Variants in UTRN observed in about 807,000 individuals in gnomAD.
UTRN encodes utrophin, also known as dystrophin-related protein 1.
UTRN carries 283 observed loss-of-function variants against 463.9 expected under a neutral mutation model. The ratio of observed to expected loss-of-function variants is 0.61; its 90% CI spans 0.55 to 0.67. UTRN has a LOEUF of 0.67. UTRN is among the 30% of genes least tolerant of loss of function. UTRN has a pLI of 0.00. For synonymous variants in UTRN, 1,442 were observed against 1,431.5 expected, an observed-to-expected ratio of 1.01 and a Z score of -0.17; for missense variants, 3,922 against 4,084.3, an observed-to-expected ratio of 0.96 and a Z score of 1.08.
intron 2 of UTRN, among the ~76,000 whole-genome samples, chr6:144,362,978 G>T (rs1225957899): frequency 6.6e-6 from 1 of 152,032 alleles, no homozygotes; most frequent in African/African-American, 2.4e-5. Context: ...TATTATGTGG[G>T]TTTGCTATTT....
intron 2 of UTRN, among the ~76,000 whole-genome samples, chr6:144,323,768 A>G (rs913239900): frequency 1.3e-5 from 2 of 152,348 alleles, no homozygotes; most frequent in African/African-American, 4.8e-5. Context: ...GGATTAATCA[A>G]ACTGGCTGTA....
intron 53 of UTRN, among the ~76,000 whole-genome samples, chr6:144,703,368 TTAGAGATGAGTTAGAAGAAAGA>T (rs1784776745): frequency 6.6e-6 from 1 of 152,092 alleles, no homozygotes; most frequent in Non-Finnish European, 1.5e-5. Context: ...AAGATCAGGA[TTAGAGATGAGTTAGAAGAAAGA>T]TCAGGATTAG....
At chr6:144,736,438 C>A (rs573917118) in intron 54 of UTRN, among the ~76,000 whole-genome samples, 1 of 152,246 alleles carries the variant, frequency 6.6e-6, no homozygotes, top group South Asian at 2.1e-4. Context: ...TGATTTTTAT[C>A]TCCAATGCCT....
At chr6:144,636,847 C>T (rs529136208) in intron 51 of UTRN, among the ~76,000 whole-genome samples, 6 of 152,262 alleles carry the variant, frequency 3.9e-5, no homozygotes, top group African/African-American at 1.4e-4. Flanking sequence ...GATTGGATTT[C>T]TGCTTTGAGC....
rs544922662 is a variant in UTRN, at chr6:144,389,836, T to C, written c.80-13287T>C. On this transcript the variant is annotated intron_variant, in intron 2 of 74. Coordinates refer to ENST00000367545, the MANE Select transcript of UTRN (RefSeq NM_007124.3). ...CTGGTCTTGAACTCCTGACCTCAGA[T>C]GATCCGCCCATCCTGGCCTCCCAAA... Among the ~76,000 whole-genome samples the C allele has an allele frequency of 4.1e-4, 62 of 152,316 alleles. 1 individual carries two copies. The South Asian group carries it at 0.013, about 31-fold the overall frequency.
chr6:144,727,413 C>A (rs925697995), intron 53 of UTRN, among the ~76,000 whole-genome samples: 3 of 152,176 alleles, frequency 2.0e-5, no homozygotes, highest in Admixed American at 2.0e-4. Context: ...TGGAACTTCC[C>A]CTTCCCCAGG....
chr6:144,785,296 C>T (rs1261677369), intron 61 of UTRN, among the ~76,000 whole-genome samples: 1 of 152,212 alleles, frequency 6.6e-6, no homozygotes, highest in Non-Finnish European at 1.5e-5. Flanking sequence ...CTGGTGTTTT[C>T]AGCTTCAGCC....
At chr6:144,634,413 A>G (rs570542031) in intron 51 of UTRN, among the ~76,000 whole-genome samples, 5 of 152,276 alleles carry the variant, frequency 3.3e-5, no homozygotes, top group Admixed American at 1.3e-4. Flanking sequence ...CTTTACTTGA[A>G]TGTTCCCACA....
chr6:144,723,499 T>C (rs1461458843), intron 53 of UTRN, among the ~76,000 whole-genome samples: 2 of 152,162 alleles, frequency 1.3e-5, no homozygotes, highest in Non-Finnish European at 2.9e-5. Flanking sequence ...GATTAAGACC[T>C]GAACCTTACC....
intron 2 of UTRN, among the ~76,000 whole-genome samples, chr6:144,342,345 A>ACACG (rs1233922501): frequency 3.8e-5 from 2 of 52,688 alleles, no homozygotes; most frequent in East Asian, 1.2e-3. Context: ...ACACACATAC[A>ACACG]CACACACACA....
In UTRN at chr6:144,436,112, G is replaced by A. The variant is rs914794870; in HGVS notation, c.1033G>A (p.Val345Ile). The A allele has an allele frequency of 1.2e-6, 2 of 1,614,052 alleles. No individual in the cohort carries two copies. Among genetic ancestry groups the A allele is most frequent in the Non-Finnish European group, 1.7e-6 (2 of 1,180,034 alleles). ...TGATATTTCTGATGATGTTGAAGAAGTCAAAGACCAGTTTGCAACCCATGA... is the reference window on the plus strand; with the variant it reads ...TGATATTTCTGATGATGTTGAAGAAATCAAAGACCAGTTTGCAACCCATGA... The part of the protein sequence containing the change: ...QDDISDDVEE[V>I]KDQFATHEAF... The change falls in exon 10 of 75, where the codon GTC becomes ATC. Residue 345 changes from valine (V) to isoleucine (I), a missense_variant. By Grantham distance (29) the Val-to-Ile change is conservative. Transcript: ENST00000367545.
intron 53 of UTRN, among the ~76,000 whole-genome samples, chr6:144,727,621 T>A (rs1474689423): frequency 6.6e-6 from 1 of 151,726 alleles, no homozygotes; most frequent in African/African-American, 2.4e-5. Flanking sequence ...TAGCCAGACG[T>A]GGTGATGGGG....
chr6:144,449,598 C>G (rs1788050883), intron 17 of UTRN, among the ~76,000 whole-genome samples: 1 of 152,100 alleles, frequency 6.6e-6, no homozygotes, highest in African/African-American at 2.4e-5. Flanking sequence ...GGAACATATC[C>G]CTGTTTGAGC....
chr6:144,426,940 A>C (rs1318148796), intron 7 of UTRN, among the ~76,000 whole-genome samples: 1 of 152,256 alleles, frequency 6.6e-6, no homozygotes, highest in Non-Finnish European at 1.5e-5. Flanking sequence ...AATCAGGCTG[A>C]AATACTTTCC....
At chr6:144,766,389 C>G (rs1256310608) in intron 58 of UTRN, among the ~76,000 whole-genome samples, 1 of 152,074 alleles carries the variant, frequency 6.6e-6, no homozygotes, top group African/African-American at 2.4e-5. Context: ...GGAGCTCGTG[C>G]TTGATTGCTA....
At chr6:144,453,606 A>G (rs1788539639) in intron 18 of UTRN, among the ~76,000 whole-genome samples, 176 bp from the exon 19 acceptor site, 1 of 152,202 alleles carries the variant, frequency 6.6e-6, no homozygotes, top group Admixed American at 6.5e-5. Context: ...ATTATGAGGT[A>G]CATTTTTTTT....
chr6:144,740,963 A>G (rs117440830), intron 54 of UTRN, among the ~76,000 whole-genome samples: 2,974 of 152,328 alleles, frequency 0.02, 34 homozygotes, highest in Non-Finnish European at 0.033. Context: ...TGTGTATTTT[A>G]TTATAATCAG....
Position 144,487,658 on chromosome 6 carries a change from G to A in UTRN, c.3933G>A (p.Leu1311=), listed in dbSNP as rs1383269002. The A allele has an allele frequency of 6.2e-7, 1 of 1,612,562 alleles. No individual in the cohort carries two copies. Among genetic ancestry groups the A allele is most frequent in the Non-Finnish European group, 8.5e-7 (1 of 1,179,168 alleles). The part of the protein sequence containing the change: ...GILDDIISEK[L]EAFNSRYEDL... ...TGGATGATATAATCAGTGAGAAACTGGAGGCTTTCAACAGCCGATATGAAG... is the reference window on the plus strand; with the variant it reads ...TGGATGATATAATCAGTGAGAAACTAGAGGCTTTCAACAGCCGATATGAAG... Residue 1311 remains leucine (L), a synonymous_variant, in exon 29 of 75, where the codon CTG becomes CTA. Coordinates refer to ENST00000367545, the MANE Select transcript of UTRN (RefSeq NM_007124.3).
At chr6:144,620,754 A>T (rs1386539503) in intron 51 of UTRN, among the ~76,000 whole-genome samples, 3 of 152,100 alleles carry the variant, frequency 2.0e-5, no homozygotes, top group African/African-American at 7.2e-5. Flanking sequence ...TCTTGGTGAT[A>T]TTACTATGAG....
Sources: allele counts gnomAD v4.1 joint callset (sites outside exome capture counted in the v4.1 genomes callset), GRCh38; gene constraint gnomAD v4.1.1; transcripts MANE v1.5; gene names NCBI Gene and HGNC (gene_info 2026-07-23, HGNC 2026-07-21).